GPM6B: variants seen among roughly 807,000 people sequenced by gnomAD.
GPM6B encodes neuronal membrane glycoprotein M6-b.
GPM6B carries 4 observed loss-of-function variants against 27.2 expected under a neutral mutation model. The ratio of observed to expected loss-of-function variants is 0.15; its 90% CI spans 0.07 to 0.34. The LOEUF is 0.34. GPM6B is among the 10% of genes least tolerant of loss of function. GPM6B has a pLI of 1.00. For synonymous variants in GPM6B, 124 were observed against 103.1 expected (o/e 1.20, Z -1.23); for missense variants, 183 against 261.9 (o/e 0.70, Z 2.08).
At chrX:13,838,314 C>G (rs2049530948) in intron 1 of GPM6B, among the ~76,000 whole-genome samples, 1 of 111,456 alleles carries the variant, frequency 9.0e-6, no homozygotes, top group Non-Finnish European at 1.9e-5. Flanking sequence ...TTTGAAAGGT[C>G]ATAAAAACAA....
At chrX:13,848,059 G>C (rs1010600139) in intron 1 of GPM6B, among the ~76,000 whole-genome samples, 1 of 112,105 alleles carries the variant, frequency 8.9e-6, no homozygotes, top group African/African-American at 3.2e-5. Flanking sequence ...AAAGTTGACA[G>C]ATGACAGCTT....
intron 1 of GPM6B, among the ~76,000 whole-genome samples, chrX:13,895,253 T>C (rs993724643): frequency 7.2e-5 from 8 of 111,724 alleles, no homozygotes; most frequent in African/African-American, 2.6e-4. Flanking sequence ...GTAAAACCCG[T>C]AAATCTAATT....
At chrX:13,818,359 T>C (rs1166282646), upstream of GPM6B, among the ~76,000 whole-genome samples, 1 of 111,082 alleles carries the variant, frequency 9.0e-6, no homozygotes. Context: ...CTAAAATCAC[T>C]CTCCTAAGTT....
rs867505180 is a variant in GPM6B, at chrX:13,861,049, T to C, written c.-197-75241A>G. 8.9e-4 allele frequency among the ~76,000 whole-genome samples: 87 copies of C among 98,298 alleles called. 1 individual carries two copies. Among genetic ancestry groups the C allele is most frequent in the African/African-American group, 3.1e-3 (78 of 24,910 alleles). 85.4% of individuals were successfully genotyped at this position (98,298 alleles called of 115,157 possible). On this transcript the variant is annotated intron_variant, in intron 1 of 6. Coordinates refer to the GPM6B transcript ENST00000398361. The stretch of plus-strand genomic sequence containing the variant: ...ACACACACACACACACACACATATA[T>C]ACATATATATACACATACATATATA...
At chrX:13,833,591 C>T (rs887252775) in intron 1 of GPM6B, among the ~76,000 whole-genome samples, 3 of 103,833 alleles carry the variant, frequency 2.9e-5, no homozygotes, top group Admixed American at 1.0e-4. Flanking sequence ...ATTAGCTAGG[C>T]TTGGTGGCAT....
chrX:13,842,390 AG>A, intron 1 of GPM6B, among the ~76,000 whole-genome samples: 1 of 112,138 alleles, frequency 8.9e-6, no homozygotes. Context: ...TATATCATAA[AG>A]TGCAAATTTA....
At chrX:13,835,876 A>G (rs2049489123) in intron 1 of GPM6B, among the ~76,000 whole-genome samples, 1 of 112,120 alleles carries the variant, frequency 8.9e-6, no homozygotes, top group African/African-American at 3.2e-5. Context: ...CAACTTTTAC[A>G]TTTTATAGTA....
chrX:13,858,189 T>C (rs953693238), intron 1 of GPM6B, among the ~76,000 whole-genome samples: 3 of 112,079 alleles, frequency 2.7e-5, no homozygotes, highest in African/African-American at 9.7e-5. Context: ...ACAAAAATCC[T>C]ACTTCTCTTT....
At chrX:13,937,697 C>T (rs1021973683) in intron 1 of GPM6B, among the ~76,000 whole-genome samples, 5 of 111,816 alleles carry the variant, frequency 4.5e-5, no homozygotes, top group African/African-American at 1.6e-4. Flanking sequence ...CACTTAAAGA[C>T]ATGTTGCTGA....
chrX:13,866,710 G>A (rs892458267), intron 1 of GPM6B, among the ~76,000 whole-genome samples: 15 of 111,021 alleles, frequency 1.4e-4, no homozygotes, highest in African/African-American at 6.5e-5. Flanking sequence ...AAGAGTAGAC[G>A]AAAAAAATCT....
intron 2 of GPM6B, among the ~76,000 whole-genome samples, chrX:13,800,127 C>G (rs1186938627): frequency 8.9e-6 from 1 of 112,009 alleles, no homozygotes; most frequent in African/African-American, 3.2e-5. Flanking sequence ...CTTGCTCTCT[C>G]TATCTGATGA....
At chrX:13,859,705 G>A (rs1475056600) in intron 1 of GPM6B, among the ~76,000 whole-genome samples, 1 of 111,466 alleles carries the variant, frequency 9.0e-6, no homozygotes, top group Non-Finnish European at 1.9e-5. Flanking sequence ...TATACAGCTA[G>A]GAAGTGGAGG....
At chrX:13,841,090 A>AC (rs1290207311) in intron 1 of GPM6B, among the ~76,000 whole-genome samples, 1 of 111,803 alleles carries the variant, frequency 8.9e-6, no homozygotes, top group Non-Finnish European at 1.9e-5. Context: ...ACATGCATGA[A>AC]CGCACATGTG....
intron 1 of GPM6B, among the ~76,000 whole-genome samples, chrX:13,904,291 T>C (rs1383218931): frequency 8.9e-6 from 1 of 112,167 alleles, no homozygotes; most frequent in Admixed American, 9.4e-5. Context: ...GCAATAACTG[T>C]AATGGGATAT....
chrX:13,875,145 C>T (rs997354960), intron 1 of GPM6B, among the ~76,000 whole-genome samples: 4 of 111,506 alleles, frequency 3.6e-5, no homozygotes, highest in Non-Finnish European at 5.6e-5. Context: ...GTGACAAGTG[C>T]CTTTGAGCAC....
chrX:13,793,389 C>T (rs764026703), intron 2 of GPM6B, among the ~76,000 whole-genome samples: 4 of 111,477 alleles, frequency 3.6e-5, no homozygotes, highest in Non-Finnish European at 5.7e-5. Flanking sequence ...TAAAAGTAAG[C>T]TGTGCCCCGT....
Position 13,776,285 on chromosome X carries a change from G to A in GPM6B, c.790C>T (p.Leu264=), listed in dbSNP as rs757607378. ...GCTCCTGCACAGGCCACAATGAACA[G>A]GTGATAGGACATGTAGAACTACAAA... is the stretch of plus-strand genomic sequence containing the variant. ...NTNEFYMSYH[L]FIVACAGAGA... is the part of the protein sequence containing the mutation. Residue 264 remains leucine, a synonymous_variant, in exon 7 of 8, where the codon CTG becomes TTG. Coordinates refer to ENST00000316715, the MANE Select transcript of GPM6B (RefSeq NM_001001995.3). 6.6e-6 allele frequency: 8 copies of A among 1,207,822 alleles called. No individual in the cohort carries two copies. The highest frequency in any genetic ancestry group is 9.0e-6 in the Non-Finnish European group (8 of 892,350).
intron 1 of GPM6B, among the ~76,000 whole-genome samples, chrX:13,825,025 C>T (rs112730926): frequency 9.0e-6 from 1 of 111,445 alleles, no homozygotes; most frequent in Admixed American, 9.4e-5. Context: ...ACATGGTGTC[C>T]TCTCTGTGTG....
At chrX:13,938,473 G>T, upstream of GPM6B, 6 of 920,832 alleles carry the variant, frequency 6.5e-6, no homozygotes, top group Non-Finnish European at 8.2e-6. Flanking sequence ...GCGCGAGACC[G>T]TGGCCGTGGC....
Sources: allele counts gnomAD v4.1 joint callset (sites outside exome capture counted in the v4.1 genomes callset), GRCh38; gene constraint gnomAD v4.1.1; transcripts MANE v1.5; gene names NCBI Gene and HGNC (gene_info 2026-07-23, HGNC 2026-07-21).